Variants in GK5 observed in about 807,000 individuals in gnomAD.
GK5 encodes ATP:glycerol 3-phosphotransferase 5.
In GK5, 39 loss-of-function variants were observed where a neutral mutation model predicts 77.3. That is an observed-to-expected ratio of 0.50 (90% CI 0.39 to 0.66). The LOEUF (loss-of-function observed/expected upper bound fraction) is 0.66, where lower values mean the gene tolerates loss of function less well. GK5 is among the 30% of genes least tolerant of loss of function. The probability of loss-of-function intolerance (pLI) is 0.00; values close to 1 mark genes in which losing one functional copy is unlikely to be tolerated. For synonymous variants in GK5, 211 were observed against 208.0 expected (o/e 1.01, Z -0.13); for missense variants, 487 against 633.8 (o/e 0.77, Z 2.49).
At chr3:142,221,847 T>C (rs2064352507) in intron 1 of GK5, among the ~76,000 whole-genome samples, 1 of 152,210 alleles carries the variant, frequency 6.6e-6, no homozygotes, top group African/African-American at 2.4e-5. Context: ...GCTAAAAATG[T>C]ATCTCTACTG....
chr3:142,212,841 T>TTTTTTTTTCC (rs2064209491), intron 3 of GK5, among the ~76,000 whole-genome samples: 1 of 138,604 alleles, frequency 7.2e-6, no homozygotes, highest in Admixed American at 7.2e-5. Flanking sequence ...TTTTTTTTTC[T>TTTTTTTTTCC]TTTTTTTTTT....
At chr3:142,193,084 GATACATTACATTAATA>G (rs1398620272) in intron 5 of GK5, among the ~76,000 whole-genome samples, 1 of 152,046 alleles carries the variant, frequency 6.6e-6, no homozygotes, top group African/African-American at 2.4e-5. Context: ...TGCAATGGTA[GATACATTACATTAATA>G]ATAATGTTTC....
In GK5 at chr3:142,171,465, A is replaced by G. The variant is rs943113983; in HGVS notation, c.1261T>C (p.Tyr421His). Residue 421 changes from tyrosine (Y) to histidine (H), a missense_variant, in exon 14 of 16, where the codon TAT becomes CAT. Transcript: ENST00000392993. Reference protein sequence around the residue: ...ESIAFRNKQLYEMMKKEIHIP... With the variant: ...ESIAFRNKQLHEMMKKEIHIP... ...TGAATCTCTTTCTTCATCATCTCAT[A>G]TAACTGTTTGTTTCTAGTTAAAAAA... is the stretch of plus-strand genomic sequence containing the variant. 1.4e-6 allele frequency: 2 copies of G among 1,454,632 alleles called. No homozygotes were observed. The highest frequency in any genetic ancestry group is 1.3e-5 in the South Asian group (1 of 76,674). 90.1% of individuals were successfully genotyped at this position (1,454,632 alleles called of 1,614,324 possible). A position where few individuals can be genotyped will look rare whatever the true frequency, so the allele number is the denominator to read the frequency against.
intron 12 of GK5, among the ~76,000 whole-genome samples, chr3:142,176,584 T>C (rs1017576554): frequency 2.0e-5 from 3 of 151,954 alleles, no homozygotes; most frequent in Non-Finnish European, 4.4e-5. Context: ...AAATCAAGAC[T>C]TCTCCTAGGT....
intron 12 of GK5, among the ~76,000 whole-genome samples, chr3:142,177,040 CAT>C (rs1482045294): frequency 6.6e-6 from 1 of 152,134 alleles, no homozygotes; most frequent in African/African-American, 2.4e-5. Context: ...CATGTGTGTG[CAT>C]ATGTGTGTGA....
rs1398282640 is a variant in GK5, at chr3:142,161,612, G to C, written c.*4010C>G. 1 of 152,160 alleles carries C rather than the reference G, an allele frequency of 6.6e-6. No individual in the cohort carries two copies. The highest frequency in any genetic ancestry group is 1.5e-5 in the Non-Finnish European group (1 of 68,034). The allele number at this position is 152,160 out of a possible 1,614,324, so 9.4% of individuals were successfully genotyped here. A position where few individuals can be genotyped will look rare whatever the true frequency, so the allele number is the denominator to read the frequency against. On this transcript the variant is annotated 3_prime_UTR_variant, in exon 16 of 16. Coordinates refer to ENST00000392993, the MANE Select transcript of GK5 (RefSeq NM_001039547.3). ...AGATTTACACAGAAGGCAGATTAAA[G>C]AGAATGATGATCTCCTTTGTTCAGA...
intron 14 of GK5, among the ~76,000 whole-genome samples, chr3:142,170,879 T>C (rs1346747097): frequency 6.6e-6 from 1 of 152,188 alleles, no homozygotes; most frequent in Non-Finnish European, 1.5e-5. Context: ...TATTGTATTA[T>C]ATTCTCCATA....
intron 5 of GK5, among the ~76,000 whole-genome samples, chr3:142,188,519 C>G (rs1187193877): frequency 6.6e-6 from 1 of 152,214 alleles, no homozygotes; most frequent in Non-Finnish European, 1.5e-5. Context: ...GAGCGAGACT[C>G]CGTCTCAAAA....
intron 3 of GK5, among the ~76,000 whole-genome samples, 189 bp from the exon 4 acceptor site, chr3:142,204,977 T>C (rs1004013073): frequency 2.6e-5 from 4 of 152,228 alleles, no homozygotes; most frequent in African/African-American, 9.6e-5. Flanking sequence ...TTATGTGACA[T>C]ATAGTATGAA....
At chr3:142,224,447 C>G (rs2064399816) in intron 1 of GK5, among the ~76,000 whole-genome samples, 1 of 152,166 alleles carries the variant, frequency 6.6e-6, no homozygotes, top group Admixed American at 6.6e-5. Flanking sequence ...AACACCATAA[C>G]AAATAAATAT....
rs754898329 is a variant in GK5 at position 142,173,174 on chromosome 3, C to T, written c.1144-718G>A. On this transcript the variant is annotated intron_variant, in intron 12 of 15. Coordinates refer to ENST00000392993, the MANE Select transcript of GK5 (RefSeq NM_001039547.3). ...CGTGATCGCGTTACTGCACTCCAGC[C>T]TAGGTGACAGAGTGAGACAGGGTCT... 1.1e-5 allele frequency: 5 copies of T among 440,556 alleles called. No homozygotes were observed. The Middle Eastern group carries it at 1.4e-3, about 125-fold the overall frequency. 27.3% of individuals were successfully genotyped at this position (440,556 alleles called of 1,614,324 possible).
chr3:142,193,443 T>G (rs984685480), intron 5 of GK5, among the ~76,000 whole-genome samples: 5 of 148,206 alleles, frequency 3.4e-5, no homozygotes, highest in African/African-American at 1.3e-4. Flanking sequence ...TCTGGGTTCC[T>G]CAAATTTCTA....
At chr3:142,217,525 A>G (rs961081089) in intron 1 of GK5, among the ~76,000 whole-genome samples, 1 of 152,260 alleles carries the variant, frequency 6.6e-6, no homozygotes, top group Non-Finnish European at 1.5e-5. Context: ...CCCAGGACAT[A>G]GCAAAAGGTC....
intron 1 of GK5, among the ~76,000 whole-genome samples, chr3:142,219,302 A>G (rs2064312738): frequency 6.6e-6 from 1 of 152,222 alleles, no homozygotes; most frequent in Admixed American, 6.5e-5. Context: ...TAGCAGCTCT[A>G]TTAATGATCA....
At position 142,198,890 on chromosome 3, in the gene GK5, C is replaced by T. The variant is rs1204707516; in HGVS notation, c.455G>A (p.Ser152Asn). 6.2e-7 allele frequency: 1 copy of T among 1,613,204 alleles called. No homozygotes were observed. The highest frequency in any genetic ancestry group is 1.7e-5 in the Admixed American group (1 of 59,936). The change falls in exon 5 of 16, where the codon AGT becomes AAT. Residue 152 changes from serine to asparagine, a missense_variant. This residue lies in a region of GK5 where 323 missense variants were observed against 437.4 expected (regional missense o/e 0.74). Coordinates refer to ENST00000392993, the MANE Select transcript of GK5 (RefSeq NM_001039547.3). ...SCRVLHFFTR[S>N]KRLFTASLFT... ...CAAACTGGCTGTAAAAAGTCGTTTA[C>T]TTCTAGTGAAAAAGTGAAGCACTCG...
intron 4 of GK5, among the ~76,000 whole-genome samples, chr3:142,200,612 C>G (rs532934005): frequency 1.8e-4 from 27 of 152,284 alleles, no homozygotes; most frequent in African/African-American, 6.3e-4. Context: ...GGCAATTCCT[C>G]TTTATACACC....
chr3:142,210,435 C>T lies in GK5; in HGVS notation c.317+3091G>A, dbSNP rs144576856. 8.5e-5 allele frequency among the ~76,000 whole-genome samples: 13 copies of T among 152,234 alleles called. No individual in the cohort carries two copies. The East Asian group carries it at 2.5e-3, about 29-fold the overall frequency. ...GTTGTGTCCCGGCTGTTTGCTAGGG[C>T]TCTTGTGGAATCTGTCAGCATCATA... On this transcript the variant is annotated intron_variant, in intron 3 of 15. Coordinates refer to ENST00000392993, the MANE Select transcript of GK5 (RefSeq NM_001039547.3).
rs1027586462 is a variant in GK5, at chr3:142,185,626, A to G, written c.816+303T>C. ...TGTCTCAGAGTACCAAATGTAAACT[A>G]AATACCACTCAGAATTAAAAAAAAT... On this transcript the variant is annotated intron_variant, in intron 9 of 15. Transcript: ENST00000392993. 7.7e-6 allele frequency: 9 copies of G among 1,161,904 alleles called. No homozygotes were observed. In the African/African-American group the frequency reaches 1.3e-4, roughly 17 times the overall value. 72.0% of individuals were successfully genotyped at this position (1,161,904 alleles called of 1,614,324 possible).
rs376659382 is a variant in GK5, at chr3:142,171,817, A to G, written c.1248-339T>C. The stretch of plus-strand genomic sequence containing the variant: ...TATTAAGATGACAAACCATAAGTAA[A>G]ATCTAATAGAATTCATCAAATATAA... On this transcript the variant is annotated intron_variant, in intron 13 of 15. Coordinates refer to ENST00000392993, the MANE Select transcript of GK5 (RefSeq NM_001039547.3). Among the ~76,000 whole-genome samples, 4 of 152,162 alleles carry G rather than the reference A, an allele frequency of 2.6e-5. No individual in the cohort carries two copies. The East Asian group carries it at 5.8e-4, about 22-fold the overall frequency.
Sources: allele counts gnomAD v4.1 joint callset (sites outside exome capture counted in the v4.1 genomes callset), GRCh38; gene constraint gnomAD v4.1.1; regional missense constraint gnomAD v4.1.1; transcripts MANE v1.5; gene names NCBI Gene and HGNC (gene_info 2026-07-23, HGNC 2026-07-21).